The following COPB2 variants were observed in gnomAD, a reference collection of about 807,000 sequenced individuals.
The protein encoded by COPB2 is coat protein complex I subunit beta 2.
In COPB2, 16 loss-of-function variants were observed where a neutral mutation model predicts 120.8. The observed-to-expected ratio is 0.13, with a 90% CI of 0.09 to 0.20. The LOEUF is 0.20. COPB2 is among the 10% of genes least tolerant of loss of function. The pLI, the probability that COPB2 is intolerant of heterozygous loss-of-function variation, is 1.00. For synonymous variants in COPB2, 332 were observed against 366.3 expected, an observed-to-expected ratio of 0.91 and a Z score of 1.07; for missense variants, 794 against 1,076.5, an observed-to-expected ratio of 0.74 and a Z score of 3.67.
chr3:139,368,079 T>G, intron 13 of COPB2, 66 bp downstream of exon 13: 1 of 1,511,072 alleles, frequency 6.6e-7, no homozygotes, highest in Non-Finnish European at 8.9e-7. Context: ...ATCAGTAAAG[T>G]CTGTTGTAAG....
chr3:139,375,995 T>C (rs1288426838), intron 5 of COPB2, among the ~76,000 whole-genome samples: 1 of 152,200 alleles, frequency 6.6e-6, no homozygotes, highest in African/African-American at 2.4e-5. Context: ...ACACCTGTAA[T>C]CCCAGCACTT....
rs772428169 is a variant in COPB2 at position 139,378,201 on chromosome 3, G to C, written c.356-12C>G. The C allele has an allele frequency of 6.5e-7, 1 of 1,529,822 alleles. No homozygotes were observed. The highest frequency in any genetic ancestry group is 2.3e-5 in the East Asian group (1 of 43,692). 94.8% of individuals were successfully genotyped at this position (1,529,822 alleles called of 1,614,324 possible). ...AATAAGCATGTCATCTAGGCCAAAA[G>C]AAAGTCTCAAGTTAGTTGTAATTCT... is the stretch of plus-strand genomic sequence containing the variant. On this transcript the variant is annotated splice_polypyrimidine_tract_variant and intron_variant, in intron 4 of 21. Coordinates refer to ENST00000333188, the MANE Select transcript of COPB2 (RefSeq NM_004766.3).
rs564334432 is a variant in COPB2, at chr3:139,389,426, G to A, written c.3+122C>T. On this transcript the variant is annotated intron_variant, in intron 1 of 21. Transcript: ENST00000333188. Reference sequence around the variant, plus strand: ...AATCAAACGACCAAGACCCCGCAAGGCCTGAGGCGGCGGCCGCAGCGGGAG... The same window carrying A: ...AATCAAACGACCAAGACCCCGCAAGACCTGAGGCGGCGGCCGCAGCGGGAG... The A allele has an allele frequency of 2.2e-6, 3 of 1,347,898 alleles. No homozygotes were observed. The South Asian group carries it at 6.0e-5, about 27-fold the overall frequency. 83.5% of individuals were successfully genotyped at this position (1,347,898 alleles called of 1,614,324 possible).
chr3:139,388,778 A>T (rs1349982708), intron 1 of COPB2, among the ~76,000 whole-genome samples: 2 of 141,920 alleles, frequency 1.4e-5, no homozygotes, highest in Admixed American at 7.4e-5. Context: ...GGGGCCCGCC[A>T]CCACGCCCGG....
chr3:139,389,270 G>A (rs763495059), intron 1 of COPB2, among the ~76,000 whole-genome samples: 1 of 152,216 alleles, frequency 6.6e-6, no homozygotes, highest in Non-Finnish European at 1.5e-5. Context: ...CTACACCACC[G>A]ATCCCGCTGC....
Position 139,366,657 on chromosome 3 carries a change from T to G in COPB2, c.1795A>C (p.Met599Leu), listed in dbSNP as rs1209909986. The part of the protein sequence containing the change: ...VSVLEYQTAV[M>L]RRDFSMADKV... ...TCAGCCATGCTAAAGTCCCTCCGCA[T>G]GACAGCTGTCTGGTATTCCAGGACT... Residue 599 changes from methionine to leucine, a missense_variant, in exon 15 of 22, where the codon ATG (methionine) becomes CTG (leucine). Met to Leu is a conservative substitution (Grantham distance 15). Coordinates refer to ENST00000333188, the MANE Select transcript of COPB2 (RefSeq NM_004766.3). 6.2e-7 allele frequency: 1 copy of G among 1,614,020 alleles called. No homozygotes were observed. The highest frequency in any genetic ancestry group is 8.5e-7 in the Non-Finnish European group (1 of 1,180,002).
At chr3:139,383,139 C>G in intron 2 of COPB2, 159 bp downstream of exon 2, 2 of 804,464 alleles carry the variant, frequency 2.5e-6, no homozygotes, top group Non-Finnish European at 4.1e-6. Context: ...ACTATCCCCT[C>G]ATAAATGTTA....
At chr3:139,359,786 CTATTT>C (rs147063608) in intron 17 of COPB2, among the ~76,000 whole-genome samples, 4,478 of 152,140 alleles carry the variant, frequency 0.029, 104 homozygotes, top group Non-Finnish European at 0.047. Context: ...ATTTTTTCTT[CTATTT>C]TAATTTCATT....
chr3:139,383,215 CTGTTA>C, intron 2 of COPB2, 78 bp downstream of exon 2: 1 of 1,492,934 alleles, frequency 6.7e-7, no homozygotes, highest in East Asian at 2.3e-5. Flanking sequence ...ATTCTGGATT[CTGTTA>C]TAATATTTCT....
At chr3:139,388,133 G>A (rs543521221) in intron 1 of COPB2, 2 of 152,250 alleles carry the variant, frequency 1.3e-5, no homozygotes, top group Non-Finnish European at 1.5e-5. Flanking sequence ...GCAGATCCAA[G>A]AGCCTTTTCC....
intron 1 of COPB2, among the ~76,000 whole-genome samples, chr3:139,388,936 A>C (rs1159814527): frequency 6.6e-6 from 1 of 152,088 alleles, no homozygotes; most frequent in Non-Finnish European, 1.5e-5. Context: ...AAGTGCTCTA[A>C]CAATTACTAT....
chr3:139,362,727 A>G lies in COPB2; in HGVS notation c.1885-210T>C, dbSNP rs191228143. ...TGGTAAGAACAAACCTGGCAGATAAAATATTCAGTGACAGAATTCTTACTG... is the reference window on the plus strand; with the variant it reads ...TGGTAAGAACAAACCTGGCAGATAAGATATTCAGTGACAGAATTCTTACTG... On this transcript the variant is annotated intron_variant, in intron 15 of 21. Coordinates refer to ENST00000333188, the MANE Select transcript of COPB2 (RefSeq NM_004766.3). Among the ~76,000 whole-genome samples, 74 of 152,302 alleles carry G rather than the reference A, an allele frequency of 4.9e-4. No homozygotes were observed. The East Asian group carries it at 9.4e-3, about 19-fold the overall frequency.
At chr3:139,378,537 G>A (rs1941756630) in intron 4 of COPB2, among the ~76,000 whole-genome samples, 1 of 152,194 alleles carries the variant, frequency 6.6e-6, no homozygotes, top group South Asian at 2.1e-4. Flanking sequence ...ACTATGTAGA[G>A]AACAAGCATT....
Position 139,366,670 on chromosome 3 carries a change from G to A in COPB2, c.1782C>T (p.Tyr594=). 1 of 1,614,030 alleles carries A rather than the reference G, an allele frequency of 6.2e-7. No homozygotes were observed. Among genetic ancestry groups the A allele is most frequent in the Non-Finnish European group, 8.5e-7 (1 of 1,179,954 alleles). ...SYSLLVSVLE[Y]QTAVMRRDFS... is the part of the protein sequence containing the mutation. The stretch of plus-strand genomic sequence containing the variant: ...AGTCCCTCCGCATGACAGCTGTCTG[G>A]TATTCCAGGACTGAAACCAGCAGGG... The change falls in exon 15 of 22, where the codon TAC becomes TAT. Residue 594 remains tyrosine, a synonymous_variant. Coordinates refer to ENST00000333188, the MANE Select transcript of COPB2 (RefSeq NM_004766.3).
chr3:139,363,267 C>A (rs914711872), intron 15 of COPB2, among the ~76,000 whole-genome samples: 1 of 152,136 alleles, frequency 6.6e-6, no homozygotes, highest in Non-Finnish European at 1.5e-5. Flanking sequence ...GGAATCAGGC[C>A]GCACAGCAGA....
At chr3:139,381,339 A>T (rs945173539) in intron 2 of COPB2, 25 of 152,174 alleles carry the variant, frequency 1.6e-4, no homozygotes, top group African/African-American at 5.8e-4. Flanking sequence ...ACTTCCAAAA[A>T]CCTTTTTGGC....
intron 1 of COPB2, 164 bp downstream of exon 1, chr3:139,389,370 CCCTAGGCCCCACCG>C: frequency 1.9e-6 from 2 of 1,033,294 alleles, no homozygotes; most frequent in Non-Finnish European, 2.5e-6. Flanking sequence ...CACCCCGGTC[CCCTAGGCCCCACCG>C]CCTTCTCCCT....
At chr3:139,364,432 T>G (rs539790884) in intron 15 of COPB2, among the ~76,000 whole-genome samples, 5 of 152,096 alleles carry the variant, frequency 3.3e-5, no homozygotes, top group African/African-American at 1.2e-4. Context: ...GTACAGAGTA[T>G]CAAAGGAAGA....
At chr3:139,385,897 C>T (rs889542514) in intron 1 of COPB2, among the ~76,000 whole-genome samples, 1 of 152,180 alleles carries the variant, frequency 6.6e-6, no homozygotes, top group African/African-American at 2.4e-5. Context: ...AGGTCTTAAA[C>T]ACAACCTAAA....
Sources: allele counts gnomAD v4.1 joint callset (sites outside exome capture counted in the v4.1 genomes callset), GRCh38; gene constraint gnomAD v4.1.1; transcripts MANE v1.5; gene names NCBI Gene and HGNC (gene_info 2026-07-23, HGNC 2026-07-21).